CFAP298: variants seen among roughly 807,000 people sequenced by gnomAD.
CFAP298 encodes the protein cilia- and flagella-associated protein 298.
A neutral mutation model predicts 41.0 loss-of-function variants in CFAP298; 38 were observed. The ratio of observed to expected loss-of-function variants is 0.93; its 90% confidence interval spans 0.72 to 1.22. The LOEUF (loss-of-function observed/expected upper bound fraction) is 1.22. Among genes scored for constraint, CFAP298 ranks in the 50% most tolerant of loss-of-function variants. CFAP298 has a pLI of 0.00. For missense variants in CFAP298, 348 were observed against 360.3 expected (o/e 0.97, Z 0.28); for synonymous variants, 137 against 135.3 (o/e 1.01, Z -0.09).
intron 3 of CFAP298, among the ~76,000 whole-genome samples, chr21:32,606,182 G>A (rs2038863868): frequency 6.6e-6 from 1 of 152,208 alleles, no homozygotes; most frequent in Admixed American, 6.5e-5. Context: ...GAAGCAAAGA[G>A]CTCATTTCTA....
chr21:32,603,411 CCTGA>C, intron 4 of CFAP298, 119 bp from the exon 5 acceptor site: 7 of 1,041,258 alleles, frequency 6.7e-6, no homozygotes, highest in Non-Finnish European at 9.8e-6. Context: ...CCATGGGAGG[CCTGA>C]CTCCCGCACC....
rs1158009254 is a variant in CFAP298, at chr21:32,601,288, CTTTTT to C, written c.*570_*574del. On this transcript the variant is annotated 3_prime_UTR_variant, in exon 7 of 7. Coordinates refer to ENST00000290155, the MANE Select transcript of CFAP298 (RefSeq NM_021254.4). ...CAATCAGGAAGAAAAAAAAGTGTAG[CTTTTT>C]TTTTTTTTTTTTTTTTTTTTGAGAC... Among the ~76,000 whole-genome samples the C allele has an allele frequency of 2.0e-3, 182 of 92,276 alleles. No homozygotes were observed. The highest frequency in any genetic ancestry group is 7.3e-3 in the African/African-American group (161 of 22,018). 60.5% of individuals were successfully genotyped at this position (92,276 alleles called of 152,430 possible).
In CFAP298 at chr21:32,605,337, T is replaced by C. The variant is rs113338307; in HGVS notation, c.376-1054A>G. ...GAATTTCCTGAGTGACAGGAGTGTC[T>C]TGTTATTTATAACGAGCCCCTTCTC... On this transcript the variant is annotated intron_variant, in intron 3 of 6. Transcript: ENST00000290155. Among the ~76,000 whole-genome samples, 333 of 152,346 alleles carry C rather than the reference T, an allele frequency of 2.2e-3. 4 individuals are homozygous for C. The highest frequency in any genetic ancestry group is 7.7e-3 in the African/African-American group (320 of 41,574).
chr21:32,602,692 C>T (rs1363693483), intron 5 of CFAP298: 5 of 1,241,678 alleles, frequency 4.0e-6, no homozygotes, highest in South Asian at 2.1e-5. Flanking sequence ...GTGGAGGGCC[C>T]CATTTCCCCA....
At chr21:32,606,026 T>G (rs1326240549) in intron 3 of CFAP298, among the ~76,000 whole-genome samples, 1 of 152,108 alleles carries the variant, frequency 6.6e-6, no homozygotes, top group African/African-American at 2.4e-5. Flanking sequence ...ACTTCAAACC[T>G]AGAGGTGACA....
At position 32,611,361 on chromosome 21, in the gene CFAP298, C is replaced by CT. The variant is rs1432934041; in HGVS notation, c.139+743_139+744insA. On this transcript the variant is annotated intron_variant, in intron 1 of 6. Coordinates refer to ENST00000290155, the MANE Select transcript of CFAP298 (RefSeq NM_021254.4). ...TATAATTTATTTATATTTATATATA[C>CT]ATATATATAATTTATTTATATTCAT... 5.0e-4 allele frequency among the ~76,000 whole-genome samples: 62 copies of CT among 124,724 alleles called. 1 individual carries two copies. The highest frequency in any genetic ancestry group is 2.1e-3 in the African/African-American group (59 of 27,748). The allele number at this position is 124,724 out of a possible 152,430, so 81.8% of individuals were successfully genotyped here.
chr21:32,611,361 CAT>C lies in CFAP298; in HGVS notation c.139+742_139+743del, dbSNP rs1370392942. Reference sequence around the variant, plus strand: ...TATAATTTATTTATATTTATATATACATATATATAATTTATTTATATTCATAT... The same window carrying C: ...TATAATTTATTTATATTTATATATACATATATAATTTATTTATATTCATAT... On this transcript the variant is annotated intron_variant, in intron 1 of 6. Coordinates refer to ENST00000290155, the MANE Select transcript of CFAP298 (RefSeq NM_021254.4). Among the ~76,000 whole-genome samples the C allele has an allele frequency of 2.7e-3, 339 of 124,630 alleles. 2 individuals are homozygous for C. The highest frequency in any genetic ancestry group is 8.0e-3 in the African/African-American group (221 of 27,672). The allele number at this position is 124,630 out of a possible 152,430, so 81.8% of individuals were successfully genotyped here.
chr21:32,611,562 T>A (rs2039000808), intron 1 of CFAP298, among the ~76,000 whole-genome samples: 1 of 151,590 alleles, frequency 6.6e-6, no homozygotes, highest in African/African-American at 2.4e-5. Flanking sequence ...GCCGGAAAGT[T>A]CTGCGGCAAA....
chr21:32,603,750 A>G (rs2038805258), intron 4 of CFAP298, among the ~76,000 whole-genome samples: 1 of 152,266 alleles, frequency 6.6e-6, no homozygotes, highest in Admixed American at 6.5e-5. Context: ...TCAGAAAATA[A>G]CATGAAGCAA....
At position 32,600,450 on chromosome 21, in the gene CFAP298, C is replaced by T. The variant is rs1407224414; in HGVS notation, c.*1413G>A. On this transcript the variant is annotated 3_prime_UTR_variant, in exon 7 of 7. Transcript: ENST00000290155. ...TTTGCAGGATGGTGGGGAGCGCAGG[C>T]ACCAAGGCAGGAAGGCCAGGGCAGG... Among the ~76,000 whole-genome samples the T allele has an allele frequency of 6.6e-6, 1 of 152,218 alleles. No homozygotes were observed. Among genetic ancestry groups the T allele is most frequent in the Non-Finnish European group, 1.5e-5 (1 of 68,030 alleles).
intron 3 of CFAP298, 55 bp downstream of exon 3, chr21:32,607,594 C>CAAA (rs560584894): frequency 2.0e-3 from 1,648 of 823,612 alleles, no homozygotes; most frequent in African/African-American, 4.0e-3. Context: ...ATTCCATCTC[C>CAAA]AAAAAAAAAA....
chr21:32,609,658 A>G (rs1220898230), intron 2 of CFAP298, among the ~76,000 whole-genome samples, 180 bp downstream of exon 2: 1 of 152,170 alleles, frequency 6.6e-6, no homozygotes, highest in Admixed American at 6.5e-5. Flanking sequence ...CCAGCTACTC[A>G]AGAGGCGGAG....
Position 32,612,199 on chromosome 21 carries a change from C to G in CFAP298, c.45G>C (p.Leu15=), listed in dbSNP as rs774539689. ...GCTCGGTACTCCCAGGCGCCTGCAG[C>G]AGGAACTGGCTCTCGTCGCCCCGCT... ...HVKRGDESQF[L]LQAPGSTELE... is the part of the protein sequence containing the mutation. The change falls in exon 1 of 7, where the codon CTG becomes CTC. Residue 15 remains leucine, a synonymous_variant. Transcript: ENST00000290155. 1.2e-6 allele frequency: 2 copies of G among 1,606,712 alleles called. No homozygotes were observed. The highest frequency in any genetic ancestry group is 1.7e-6 in the Non-Finnish European group (2 of 1,176,718).
chr21:32,608,998 TC>T (rs2038930570), intron 2 of CFAP298, among the ~76,000 whole-genome samples: 1 of 152,204 alleles, frequency 6.6e-6, no homozygotes, highest in Non-Finnish European at 1.5e-5. Context: ...GAATAAGCTA[TC>T]AAAAAGGATT....
At chr21:32,609,780 C>T (rs2038947047) in intron 2 of CFAP298, 58 bp downstream of exon 2, 1 of 1,410,800 alleles carries the variant, frequency 7.1e-7, no homozygotes, top group Admixed American at 2.2e-5. Context: ...AAAAAAGGAA[C>T]TGTTTTCATA....
At chr21:32,602,927 G>A in intron 5 of CFAP298, 1 of 1,123,848 alleles carries the variant, frequency 8.9e-7, no homozygotes, top group African/African-American at 1.6e-5. Context: ...AATTAACATA[G>A]TATATTTCCT....
intron 2 of CFAP298, among the ~76,000 whole-genome samples, chr21:32,608,904 G>A (rs1328466564): frequency 6.6e-6 from 1 of 152,078 alleles, no homozygotes; most frequent in African/African-American, 2.4e-5. Context: ...GGCCTTGCAG[G>A]AATACTGTTC....
rs996565980 is a variant in CFAP298 at position 32,601,797 on chromosome 21, T to A, written c.*66A>T. 44 of 841,816 alleles carry A rather than the reference T, an allele frequency of 5.2e-5. 1 individual carries two copies. The highest frequency in any genetic ancestry group is 1.4e-4 in the African/African-American group (8 of 58,114). The allele number at this position is 841,816 out of a possible 1,614,324, so 52.1% of individuals were successfully genotyped here. On this transcript the variant is annotated 3_prime_UTR_variant, in exon 7 of 7. Coordinates refer to ENST00000290155, the MANE Select transcript of CFAP298 (RefSeq NM_021254.4). ...GCAGTAAGTGGCCTTTTTTTTTTTT[T>A]TAAATTATAATTGCCTAGGAGAAAG... is the stretch of plus-strand genomic sequence containing the variant.
rs768970360 is a variant in CFAP298, at chr21:32,607,869, G to T, written c.308-153C>A. On this transcript the variant is annotated intron_variant, in intron 2 of 6. Transcript: ENST00000290155. ...GGGAAGAGAAGCAAGAAACCTGGCT[G>T]CCGGAAGTTAGGTGAAGACCTCTTC... 2.0e-5 allele frequency among the ~76,000 whole-genome samples: 3 copies of T among 152,192 alleles called. No homozygotes were observed. The South Asian group carries it at 6.2e-4, about 31-fold the overall frequency.
Sources: allele counts gnomAD v4.1 joint callset (sites outside exome capture counted in the v4.1 genomes callset), GRCh38; gene constraint gnomAD v4.1.1; transcripts MANE v1.5; gene names NCBI Gene and HGNC (gene_info 2026-07-23, HGNC 2026-07-21).